SYCP2L: variants seen among roughly 807,000 people sequenced by gnomAD.
SYCP2L encodes the protein synaptonemal complex protein 2 like.
SYCP2L carries 98 observed loss-of-function variants against 125.8 expected under a neutral mutation model. That is an observed-to-expected ratio of 0.78 (90% confidence interval 0.66 to 0.92). The LOEUF is 0.92. Ranked by LOEUF, SYCP2L falls within the 40% of genes least tolerant of loss-of-function variation. SYCP2L has a pLI of 0.00. For synonymous variants in SYCP2L, 317 were observed against 325.4 expected (o/e 0.97, Z 0.28); for missense variants, 842 against 936.4 (o/e 0.90, Z 1.32).
chr6:10,905,925 A>T, intron 8 of SYCP2L, 95 bp from the exon 9 acceptor site: 1 of 772,640 alleles, frequency 1.3e-6, no homozygotes, highest in Non-Finnish European at 2.1e-6. Context: ...AGTTTCAGAA[A>T]CATATACTTT....
rs115314629 is a variant in SYCP2L, at chr6:10,966,863, A to G, written c.*37+3020A>G. ...GGAAGGCACAATGAAATTTTGAATGAAATGTAGAAATAACCAATTCATAGA... is the reference window on the plus strand; with the variant it reads ...GGAAGGCACAATGAAATTTTGAATGGAATGTAGAAATAACCAATTCATAGA... On this transcript the variant is annotated intron_variant, in intron 29 of 29. Coordinates refer to ENST00000283141, the MANE Select transcript of SYCP2L (RefSeq NM_001040274.3). 5.2e-3 allele frequency among the ~76,000 whole-genome samples: 785 copies of G among 152,354 alleles called. 7 individuals are homozygous for G. The highest frequency in any genetic ancestry group is 0.018 in the African/African-American group (749 of 41,592).
chr6:10,916,703 T>A (rs1381290262), intron 14 of SYCP2L, among the ~76,000 whole-genome samples: 4 of 152,122 alleles, frequency 2.6e-5, no homozygotes, highest in East Asian at 1.9e-4. Flanking sequence ...AATTTCAACT[T>A]TCTAGCCGAG....
intron 21 of SYCP2L, among the ~76,000 whole-genome samples, chr6:10,940,970 C>T (rs1424563689): frequency 6.6e-6 from 1 of 152,098 alleles, no homozygotes; most frequent in African/African-American, 2.4e-5. Flanking sequence ...GTTGAAGTAA[C>T]TGGCTGTTAA....
At chr6:10,949,721 CTT>C (rs33952119) in intron 23 of SYCP2L, among the ~76,000 whole-genome samples, 4 of 121,504 alleles carry the variant, frequency 3.3e-5, no homozygotes, top group African/African-American at 6.1e-5. Flanking sequence ...CCTGATACAT[CTT>C]TTTTTTTTTT....
At chr6:10,908,074 G>T (rs1267093922) in intron 10 of SYCP2L, among the ~76,000 whole-genome samples, 5 of 151,690 alleles carry the variant, frequency 3.3e-5, no homozygotes, top group African/African-American at 9.7e-5. Context: ...TTTTAGTAGA[G>T]ACCAGGTTTA....
chr6:10,895,755 T>A (rs1780248050), intron 4 of SYCP2L, among the ~76,000 whole-genome samples: 1 of 151,940 alleles, frequency 6.6e-6, no homozygotes, highest in Non-Finnish European at 1.5e-5. Flanking sequence ...CCCAAAGTGC[T>A]GGGATTACAG....
chr6:10,931,600 T>A lies in SYCP2L; in HGVS notation c.1683+111T>A, dbSNP rs907670662. 41 of 1,017,620 alleles carry A rather than the reference T, an allele frequency of 4.0e-5. No homozygotes were observed. In the African/African-American group the frequency reaches 5.8e-4, roughly 14 times the overall value. The allele number at this position is 1,017,620 out of a possible 1,614,324, so 63.0% of individuals were successfully genotyped here. Reference sequence around the variant, plus strand: ...ATAACAAAATATTGGTTTACTGATATGTGAATCACCGCCAATAGAAATTTC... The same window carrying A: ...ATAACAAAATATTGGTTTACTGATAAGTGAATCACCGCCAATAGAAATTTC... On this transcript the variant is annotated intron_variant, in intron 20 of 29. Coordinates refer to ENST00000283141, the MANE Select transcript of SYCP2L (RefSeq NM_001040274.3).
chr6:10,939,942 T>C (rs912467087), intron 21 of SYCP2L, among the ~76,000 whole-genome samples: 1 of 152,190 alleles, frequency 6.6e-6, no homozygotes, highest in Non-Finnish European at 1.5e-5. Flanking sequence ...GCAAATCATA[T>C]ATCTGATAAT....
At chr6:10,961,227 A>G (rs1781587259) in intron 26 of SYCP2L, 78 bp from the exon 27 acceptor site, 1 of 1,135,300 alleles carries the variant, frequency 8.8e-7, no homozygotes. Flanking sequence ...GTATCCTTGT[A>G]ATCAGATGAC....
At chr6:10,888,160 G>A (rs759859244) in intron 1 of SYCP2L, among the ~76,000 whole-genome samples, 1 of 126,316 alleles carries the variant, frequency 7.9e-6, no homozygotes, top group African/African-American at 3.0e-5. Context: ...GCAGTGGCGT[G>A]ATCTTGGCTC....
intron 29 of SYCP2L, among the ~76,000 whole-genome samples, chr6:10,968,240 G>A (rs1178945194): frequency 2.0e-5 from 3 of 152,192 alleles, no homozygotes; most frequent in African/African-American, 4.8e-5. Flanking sequence ...AGCTGTGGTG[G>A]CACTGAAGAA....
At chr6:10,936,421 G>A (rs948459358) in intron 21 of SYCP2L, among the ~76,000 whole-genome samples, 1 of 151,954 alleles carries the variant, frequency 6.6e-6, no homozygotes, top group Non-Finnish European at 1.5e-5. Flanking sequence ...TGCTTGAACC[G>A]GGAGGCAGAG....
At chr6:10,898,726 C>A in intron 5 of SYCP2L, 98 bp from the exon 6 acceptor site, 1 of 842,394 alleles carries the variant, frequency 1.2e-6, no homozygotes, top group Non-Finnish European at 2.0e-6. Flanking sequence ...AAGTCAATGC[C>A]TGCCTGTTAG....
At chr6:10,918,574 G>A (rs558409568) in intron 14 of SYCP2L, among the ~76,000 whole-genome samples, 14 of 151,666 alleles carry the variant, frequency 9.2e-5, no homozygotes, top group African/African-American at 3.1e-4. Context: ...GTCTCGCTCT[G>A]TTGCCAGGCT....
intron 4 of SYCP2L, 101 bp from the exon 5 acceptor site, chr6:10,897,910 C>G (rs1780285918): frequency 2.5e-6 from 2 of 815,514 alleles, no homozygotes; most frequent in Admixed American, 2.0e-5. Context: ...GGGAAAAGAT[C>G]TTTAAGATTA....
intron 16 of SYCP2L, among the ~76,000 whole-genome samples, chr6:10,926,820 C>T (rs1486284803): frequency 6.8e-6 from 1 of 146,812 alleles, no homozygotes; most frequent in Admixed American, 7.0e-5. Flanking sequence ...TGCTCTGTTG[C>T]CCAGGCTGGA....
intron 25 of SYCP2L, 95 bp from the exon 26 acceptor site, chr6:10,958,689 T>C (rs1015550280): frequency 8.7e-7 from 1 of 1,145,510 alleles, no homozygotes; most frequent in Non-Finnish European, 1.3e-6. Flanking sequence ...ATGAATATTA[T>C]TACATGCTGG....
rs760801875 is a variant in SYCP2L at position 10,931,592 on chromosome 6, T to G, written c.1683+103T>G. ...ATATAAAAATAACAAAATATTGGTT[T>G]ACTGATATGTGAATCACCGCCAATA... On this transcript the variant is annotated intron_variant, in intron 20 of 29. Coordinates refer to ENST00000283141, the MANE Select transcript of SYCP2L (RefSeq NM_001040274.3). 19 of 1,125,044 alleles carry G rather than the reference T, an allele frequency of 1.7e-5. No homozygotes were observed. In the South Asian group the frequency reaches 2.2e-4, roughly 13 times the overall value. The allele number at this position is 1,125,044 out of a possible 1,614,324, so 69.7% of individuals were successfully genotyped here. A position where few individuals can be genotyped will look rare whatever the true frequency, so the allele number is the denominator to read the frequency against.
chr6:10,957,762 A>G (rs1781524245), intron 25 of SYCP2L, among the ~76,000 whole-genome samples: 1 of 152,194 alleles, frequency 6.6e-6, no homozygotes, highest in South Asian at 2.1e-4. Context: ...GGTTACAGTG[A>G]GCTATGATCA....
Sources: allele counts gnomAD v4.1 joint callset (sites outside exome capture counted in the v4.1 genomes callset), GRCh38; gene constraint gnomAD v4.1.1; transcripts MANE v1.5; gene names NCBI Gene and HGNC (gene_info 2026-07-23, HGNC 2026-07-21).